ZNF41: variants seen among roughly 807,000 people sequenced by gnomAD.
The protein encoded by ZNF41 is zinc finger protein 41.
ZNF41 carries 6 observed loss-of-function variants against 9.3 expected under a neutral mutation model. The observed-to-expected ratio is 0.65, with a 90% CI of 0.35 to 1.28. The LOEUF is 1.28. ZNF41 is among the 50% of genes most tolerant of loss of function. The pLI is 0.03. For synonymous variants in ZNF41, 192 were observed against 207.1 expected, an observed-to-expected ratio of 0.93 and a Z score of 0.63; for missense variants, 523 against 585.8, an observed-to-expected ratio of 0.89 and a Z score of 1.11.
chrX:47,475,161 AT>A (rs2057304086), intron 1 of ZNF41, among the ~76,000 whole-genome samples: 2 of 108,546 alleles, frequency 1.8e-5, no homozygotes, highest in Admixed American at 1.0e-4. Context: ...AGGAAAAAAA[AT>A]ATATATATAT....
In ZNF41 at chrX:47,481,992, C is replaced by T. The variant is rs1603011352; in HGVS notation, c.-280+1103G>A. ...GATTCCACAGCCCCCCATCACTAGT[C>T]CCAAAGAAACGCATCACTCACCCAG... On this transcript the variant is annotated intron_variant, in intron 1 of 4. Coordinates refer to ENST00000684689, the MANE Select transcript of ZNF41 (RefSeq NM_001324144.2). Among the ~76,000 whole-genome samples, 4 of 109,790 alleles carry T rather than the reference C, an allele frequency of 3.6e-5. 1 individual carries two copies. The South Asian group carries it at 1.6e-3, about 43-fold the overall frequency.
chrX:47,462,934 CATATAT>C (rs752513193), intron 2 of ZNF41, among the ~76,000 whole-genome samples: 13 of 99,086 alleles, frequency 1.3e-4, no homozygotes, highest in Admixed American at 3.4e-4. Flanking sequence ...ATATCACACA[CATATAT>C]ATATATACAC....
At chrX:47,461,046 G>C (rs2056766196) in intron 2 of ZNF41, among the ~76,000 whole-genome samples, 1 of 109,886 alleles carries the variant, frequency 9.1e-6, no homozygotes, top group Admixed American at 9.8e-5. Flanking sequence ...TTCAATATAT[G>C]TACAGTATCA....
rs2056234713 is a variant in ZNF41, at chrX:47,448,806, T to C, written c.964A>G (p.Thr322Ala). The C allele has an allele frequency of 3.2e-5, 39 of 1,211,821 alleles. No individual in the cohort carries two copies. Among genetic ancestry groups the C allele is most frequent in the Non-Finnish European group, 4.2e-5 (38 of 895,508 alleles). Residue 322 changes from threonine to alanine, a missense_variant, in exon 5 of 5, where the codon ACA becomes GCA. Coordinates refer to ENST00000684689, the MANE Select transcript of ZNF41 (RefSeq NM_001324144.2). ...GTACACAGATAGGGTTTTTCTCCTG[T>C]ATAAACACTTGGATGTACATCAACC... ...PQVDVHPSVYTGEKPYLCTQC... is the reference protein window; with the variant it reads ...PQVDVHPSVYAGEKPYLCTQC...
intron 4 of ZNF41, among the ~76,000 whole-genome samples, chrX:47,450,451 T>C (rs946975052): frequency 9.0e-6 from 1 of 111,138 alleles, no homozygotes; most frequent in Non-Finnish European, 1.9e-5. Flanking sequence ...CCTCAAGTGA[T>C]CTGCCCACCT....
intron 1 of ZNF41, among the ~76,000 whole-genome samples, chrX:47,475,036 C>T (rs2057297972): frequency 9.6e-6 from 1 of 104,093 alleles, no homozygotes; most frequent in Non-Finnish European, 2.0e-5. Flanking sequence ...AAAATTTAGC[C>T]GGGTGTGGTG....
intron 1 of ZNF41, among the ~76,000 whole-genome samples, chrX:47,479,403 C>G (rs757065308): frequency 8.9e-6 from 1 of 111,930 alleles, no homozygotes; most frequent in Admixed American, 9.5e-5. Flanking sequence ...AACAAGATAG[C>G]AAATACCCTC....
chrX:47,482,067 C>A (rs2057487870), intron 1 of ZNF41, among the ~76,000 whole-genome samples: 1 of 109,591 alleles, frequency 9.1e-6, no homozygotes, highest in Non-Finnish European at 1.9e-5. Context: ...ACCTCACAGA[C>A]CTCCAGTAGT....
Position 47,447,560 on chromosome X carries a change from T to A in ZNF41, c.2210A>T (p.His737Leu). 8.2e-7 allele frequency: 1 copy of A among 1,212,195 alleles called. No individual in the cohort carries two copies. The highest frequency in any genetic ancestry group is 3.0e-5 in the East Asian group (1 of 33,866). Residue 737 changes from histidine to leucine, a missense_variant, in exon 5 of 5, where the codon CAT (histidine) becomes CTT (leucine). Coordinates refer to ENST00000684689, the MANE Select transcript of ZNF41 (RefSeq NM_001324144.2). ...TTTCTTTCCTGTATGAATTATCTGA[T>A]GCATACTTAGTGTGGCTTTCTGGAT... The part of the protein sequence containing the change: ...AFIQKATLSM[H>L]QIIHTGKKPY...
chrX:47,477,956 C>T (rs1440836888), intron 1 of ZNF41, among the ~76,000 whole-genome samples: 6 of 112,510 alleles, frequency 5.3e-5, no homozygotes, highest in Non-Finnish European at 1.1e-4. Flanking sequence ...AAATGTCCAT[C>T]GACTGATGAA....
At position 47,448,071 on chromosome X, in the gene ZNF41, T is replaced by G; in HGVS notation, c.1699A>C (p.Lys567Gln). The change falls in exon 5 of 5, where the codon AAA becomes CAA. Residue 567 changes from lysine (K) to glutamine (Q), a missense_variant. Physicochemically the swap from Lys to Gln is moderately conservative, Grantham distance 53. Transcript: ENST00000684689. ...GKAFIWKSRLKIHQKSHIGER... is the reference protein window; with the variant it reads ...GKAFIWKSRLQIHQKSHIGER... ...CCAATATGAGATTTCTGATGTATTT[T>G]GAGGCGCGACTTCCATATGAAGGCT... is the stretch of plus-strand genomic sequence containing the variant. 2 of 1,211,778 alleles carry G rather than the reference T, an allele frequency of 1.7e-6. No individual in the cohort carries two copies. Among genetic ancestry groups the G allele is most frequent in the Non-Finnish European group, 2.2e-6 (2 of 895,565 alleles).
chrX:47,461,066 G>A (rs948084087), intron 2 of ZNF41, among the ~76,000 whole-genome samples: 10 of 108,587 alleles, frequency 9.2e-5, no homozygotes, highest in Non-Finnish European at 1.5e-4. Context: ...AACTGTCTTC[G>A]TAAAAAAAAT....
chrX:47,447,777 A>G lies in ZNF41; in HGVS notation c.1993T>C (p.Cys665Arg), dbSNP rs1323562775. 1 of 1,211,749 alleles carries G rather than the reference A, an allele frequency of 8.3e-7. No homozygotes were observed. Among genetic ancestry groups the G allele is most frequent in the African/African-American group, 1.7e-5 (1 of 57,777 alleles). ...KIHTGEKPNI[C>R]AECGKAFTDR... ...GTGAAGGCCTTTCCACATTCAGCACATATATTGGGCTTCTCACCTGTGTGG... is the reference window on the plus strand; with the variant it reads ...GTGAAGGCCTTTCCACATTCAGCACGTATATTGGGCTTCTCACCTGTGTGG... Residue 665 changes from cysteine (C) to arginine (R), a missense_variant, in exon 5 of 5, where the codon TGT (cysteine) becomes CGT (arginine). Physicochemically the swap from Cys to Arg is radical, Grantham distance 180. Coordinates refer to ENST00000684689, the MANE Select transcript of ZNF41 (RefSeq NM_001324144.2).
chrX:47,455,359 C>A lies in ZNF41; in HGVS notation c.295+562G>T, dbSNP rs1176609515. ...CAGCACTCTGGGAGGCCGAGTCAGG[C>A]AGATCAGTTGAGCCCAGGAGTTCGA... On this transcript the variant is annotated intron_variant, in intron 4 of 4. Transcript: ENST00000684689. Among the ~76,000 whole-genome samples the A allele has an allele frequency of 2.8e-5, 3 of 109,021 alleles. No individual in the cohort carries two copies. The East Asian group carries it at 8.5e-4, about 31-fold the overall frequency. 94.7% of individuals were successfully genotyped at this position (109,021 alleles called of 115,157 possible). A position where few individuals can be genotyped will look rare whatever the true frequency, so the allele number is the denominator to read the frequency against.
At chrX:47,456,518 T>G in intron 2 of ZNF41, 120 bp from the exon 3 acceptor site, 1 of 1,027,172 alleles carries the variant, frequency 9.7e-7, no homozygotes, top group South Asian at 2.1e-5. Context: ...TTTCACTAAG[T>G]ACTTAGTTTT....
In ZNF41 at chrX:47,462,936, T is replaced by C. The variant is rs78988063; in HGVS notation, c.72+4474A>G. Among the ~76,000 whole-genome samples the C allele has an allele frequency of 2.0e-3, 112 of 56,400 alleles. No homozygotes were observed. In the South Asian group the frequency reaches 0.048, roughly 24 times the overall value. 49.0% of individuals were successfully genotyped at this position (56,400 alleles called of 115,157 possible). On this transcript the variant is annotated intron_variant, in intron 2 of 4. Coordinates refer to ENST00000684689, the MANE Select transcript of ZNF41 (RefSeq NM_001324144.2). ...TATATATATATATATATCACACACA[T>C]ATATATATATACACACACACACACA... is the stretch of plus-strand genomic sequence containing the variant.
intron 2 of ZNF41, among the ~76,000 whole-genome samples, chrX:47,459,966 A>T (rs758763297): frequency 9.1e-6 from 1 of 109,711 alleles, no homozygotes; most frequent in African/African-American, 3.3e-5. Context: ...ATCAATTCCA[A>T]GGCCAGGTGC....
intron 4 of ZNF41, among the ~76,000 whole-genome samples, chrX:47,452,884 G>A (rs887281329): frequency 9.9e-5 from 11 of 111,504 alleles, no homozygotes; most frequent in African/African-American, 2.3e-4. Context: ...GAGCCACCAC[G>A]CCTGGCTGCA....
At chrX:47,453,176 G>A (rs2056430297) in intron 4 of ZNF41, among the ~76,000 whole-genome samples, 1 of 111,165 alleles carries the variant, frequency 9.0e-6, no homozygotes, top group African/African-American at 3.3e-5. Flanking sequence ...TGATCCTCCC[G>A]CCTCGGCCTT....
Sources: allele counts gnomAD v4.1 joint callset (sites outside exome capture counted in the v4.1 genomes callset), GRCh38; gene constraint gnomAD v4.1.1; transcripts MANE v1.5; gene names NCBI Gene and HGNC (gene_info 2026-07-23, HGNC 2026-07-21).